The following HHAT variants were observed in gnomAD, a reference collection of about 807,000 sequenced individuals.
HHAT encodes the protein protein-cysteine N-palmitoyltransferase HHAT.
In HHAT, 47 loss-of-function variants were observed where a neutral mutation model predicts 70.8. That is an observed-to-expected ratio of 0.66 (90% CI 0.53 to 0.85). HHAT has a LOEUF of 0.85. Among genes scored for constraint, HHAT ranks in the 40% least tolerant of loss-of-function variants. The probability of loss-of-function intolerance (pLI) is 0.00; values close to 1 mark genes in which losing one functional copy is unlikely to be tolerated. For synonymous variants in HHAT, 228 were observed against 247.6 expected (o/e 0.92, Z 0.74); for missense variants, 609 against 604.8 (o/e 1.01, Z -0.07).
intron 11 of HHAT, among the ~76,000 whole-genome samples, chr1:210,657,236 G>T (rs780182334): frequency 6.6e-6 from 1 of 152,200 alleles, no homozygotes; most frequent in Non-Finnish European, 1.5e-5. Context: ...AGGACCAGGG[G>T]AGACAGTGGG....
intron 10 of HHAT, among the ~76,000 whole-genome samples, chr1:210,605,438 G>A (rs553844710): frequency 6.6e-6 from 1 of 152,300 alleles, no homozygotes; most frequent in East Asian, 1.9e-4. Flanking sequence ...GCATTGGATT[G>A]ATTAATATTC....
chr1:210,329,951 T>A (rs2084843795), intron 1 of HHAT, among the ~76,000 whole-genome samples: 1 of 152,192 alleles, frequency 6.6e-6, no homozygotes, highest in Admixed American at 6.5e-5. Context: ...CTCACCGTGT[T>A]GGCCAGGCTG....
intron 9 of HHAT, among the ~76,000 whole-genome samples, chr1:210,540,523 G>GCT (rs3067934): frequency 2.5e-3 from 373 of 147,478 alleles, no homozygotes; most frequent in African/African-American, 7.6e-3. Flanking sequence ...ACAAACACAC[G>GCT]CTCTCTCTCT....
intron 10 of HHAT, among the ~76,000 whole-genome samples, chr1:210,614,712 T>A (rs1359122956): frequency 6.6e-6 from 1 of 152,226 alleles, no homozygotes; most frequent in Non-Finnish European, 1.5e-5. Flanking sequence ...GTTTCCAGCT[T>A]CATCCATGTC....
At chr1:210,490,108 A>G (rs918951887) in intron 8 of HHAT, among the ~76,000 whole-genome samples, 1 of 152,250 alleles carries the variant, frequency 6.6e-6, no homozygotes, top group African/African-American at 2.4e-5. Context: ...AACCAGTATC[A>G]TGTCCTCTGG....
At chr1:210,648,677 C>T (rs147484112) in intron 11 of HHAT, among the ~76,000 whole-genome samples, 425 of 152,284 alleles carry the variant, frequency 2.8e-3, no homozygotes, top group African/African-American at 9.6e-3. Flanking sequence ...ATGCACAACA[C>T]GCATTCTCCA....
chr1:210,552,247 T>C (rs1228330861), intron 9 of HHAT, among the ~76,000 whole-genome samples: 1 of 152,196 alleles, frequency 6.6e-6, no homozygotes, highest in Non-Finnish European at 1.5e-5. Flanking sequence ...AGGTAGATTC[T>C]TCAGGGACTC....
chr1:210,436,641 A>G (rs1424378811), intron 7 of HHAT, among the ~76,000 whole-genome samples: 1 of 151,592 alleles, frequency 6.6e-6, no homozygotes, highest in African/African-American at 2.4e-5. Context: ...GTGTGATCCA[A>G]ATTTTGATTC....
At chr1:210,422,897 A>G (rs968869516) in intron 7 of HHAT, among the ~76,000 whole-genome samples, 75 of 152,182 alleles carry the variant, frequency 4.9e-4, no homozygotes, top group African/African-American at 1.7e-3. Context: ...TCAGCCTCCC[A>G]AAGTGCTGGG....
intron 4 of HHAT, among the ~76,000 whole-genome samples, chr1:210,391,742 A>G (rs375149060): frequency 3.9e-5 from 6 of 152,356 alleles, no homozygotes; most frequent in African/African-American, 9.6e-5. Flanking sequence ...AAATCCCCTG[A>G]TATCAGTGTT....
intron 3 of HHAT, among the ~76,000 whole-genome samples, chr1:210,366,647 A>G: frequency 6.6e-6 from 1 of 152,114 alleles, no homozygotes; most frequent in East Asian, 1.9e-4. Flanking sequence ...AAAACAAGAA[A>G]CAATTTAAAA....
intron 8 of HHAT, among the ~76,000 whole-genome samples, chr1:210,467,282 T>C (rs2094126361): frequency 6.6e-6 from 1 of 152,184 alleles, no homozygotes; most frequent in Non-Finnish European, 1.5e-5. Context: ...CAGAAGTAGT[T>C]TTTTAATTGA....
At chr1:210,520,092 T>C (rs2095131528) in intron 9 of HHAT, among the ~76,000 whole-genome samples, 1 of 152,152 alleles carries the variant, frequency 6.6e-6, no homozygotes, top group African/African-American at 2.4e-5. Context: ...CTCAGCTCAC[T>C]GTAACCTCTG....
chr1:210,345,307 A>C (rs944120422), intron 1 of HHAT, among the ~76,000 whole-genome samples: 12 of 152,164 alleles, frequency 7.9e-5, no homozygotes, highest in Non-Finnish European at 1.3e-4. Flanking sequence ...AATACAAATT[A>C]ATAAAAATTT....
chr1:210,442,632 G>A (rs981098319), intron 7 of HHAT, among the ~76,000 whole-genome samples: 2 of 152,068 alleles, frequency 1.3e-5, no homozygotes, highest in Admixed American at 6.6e-5. Context: ...TGTGTTTTTC[G>A]GCTGCATAGA....
At chr1:210,575,675 CT>C (rs1368630423) in intron 9 of HHAT, among the ~76,000 whole-genome samples, 2 of 152,116 alleles carry the variant, frequency 1.3e-5, no homozygotes, top group East Asian at 3.9e-4. Flanking sequence ...TTAAAAAGTG[CT>C]TTTGGTGCTT....
intron 2 of HHAT, among the ~76,000 whole-genome samples, chr1:210,360,313 T>TTTTG (rs1553324219): frequency 0.11 from 16,126 of 151,810 alleles, 1,044 homozygotes; most frequent in Non-Finnish European, 0.15. Flanking sequence ...TGTTTTTTTT[T>TTTTG]TTTTGTTTTG....
At chr1:210,542,496 A>AAT (rs749840373) in intron 9 of HHAT, among the ~76,000 whole-genome samples, 98 of 149,460 alleles carry the variant, frequency 6.6e-4, no homozygotes, top group South Asian at 1.9e-3. Flanking sequence ...TTAAAAAAAA[A>AAT]ATATATATAT....
chr1:210,414,440 A>G (rs1477957716), intron 6 of HHAT, among the ~76,000 whole-genome samples: 1 of 152,200 alleles, frequency 6.6e-6, no homozygotes, highest in Non-Finnish European at 1.5e-5. Flanking sequence ...AGAGCTGGAA[A>G]AGGGTTGAAA....
Sources: allele counts gnomAD v4.1 joint callset (sites outside exome capture counted in the v4.1 genomes callset), GRCh38; gene constraint gnomAD v4.1.1; transcripts MANE v1.5; gene names NCBI Gene and HGNC (gene_info 2026-07-23, HGNC 2026-07-21).